The following IQCM variants were observed in gnomAD, a reference collection of about 807,000 sequenced individuals.
IQCM encodes the protein IQ motif containing M.
In IQCM, 45 loss-of-function variants were observed where a neutral mutation model predicts 57.6. The ratio of observed to expected loss-of-function variants is 0.78; its 90% confidence interval spans 0.62 to 1.00. IQCM has a LOEUF of 1.00. Ranked by LOEUF, IQCM falls within the 50% of genes least tolerant of loss-of-function variation. IQCM has a pLI of 0.00. For synonymous variants in IQCM, 148 were observed against 158.9 expected (o/e 0.93, Z 0.51); for missense variants, 468 against 511.6 (o/e 0.91, Z 0.82).
intron 2 of IQCM, among the ~76,000 whole-genome samples, chr4:149,807,769 A>G (rs1021600655): frequency 2.0e-5 from 3 of 152,118 alleles, no homozygotes; most frequent in African/African-American, 2.4e-5. Flanking sequence ...AAGTGGTCAA[A>G]AGACCTGAAT....
intron 12 of IQCM, among the ~76,000 whole-genome samples, chr4:149,444,280 A>T (rs1194012115): frequency 6.6e-6 from 1 of 151,946 alleles, no homozygotes; most frequent in African/African-American, 2.4e-5. Context: ...TTTCTATAAT[A>T]TATAAATTTG....
intron 6 of IQCM, among the ~76,000 whole-genome samples, chr4:149,684,580 C>G (rs569234600): frequency 6.6e-6 from 1 of 151,470 alleles, no homozygotes; most frequent in Non-Finnish European, 1.5e-5. Flanking sequence ...TGTTAACAAT[C>G]TCATATCTAA....
In IQCM at chr4:149,461,837, G is replaced by GTA. The variant is rs541081902; in HGVS notation, c.1229-28282_1229-28281dup. Among the ~76,000 whole-genome samples the GTA allele has an allele frequency of 4.5e-3, 674 of 150,584 alleles. 3 individuals carry two copies. Among genetic ancestry groups the GTA allele is most frequent in the East Asian group, 0.03 (151 of 5,116 alleles). ...AAGGAATACTATATATATATAGTGTGTATATATATATATAAATATCCTGAC... is the reference window on the plus strand; with the variant it reads ...AAGGAATACTATATATATATAGTGTGTATATATATATATATAAATATCCTGAC... On this transcript the variant is annotated intron_variant, in intron 12 of 13. Transcript: ENST00000636793.
chr4:149,453,117 C>CA (rs956347820), intron 12 of IQCM, among the ~76,000 whole-genome samples: 5 of 150,552 alleles, frequency 3.3e-5, no homozygotes, highest in African/African-American at 1.2e-4. Context: ...TCTTAAGAAA[C>CA]AAAGTGTGAG....
Position 149,369,012 on chromosome 4 carries a change from G to A in IQCM, c.1391-16946C>T, listed in dbSNP as rs866315776. ...CACGTGTATATATATATATATACACGTGTATATATATATATATACATGTGT... is the reference window on the plus strand; with the variant it reads ...CACGTGTATATATATATATATACACATGTATATATATATATATACATGTGT... On this transcript the variant is annotated intron_variant, in intron 13 of 13. Transcript: ENST00000636793. Among the ~76,000 whole-genome samples, 65 of 36,498 alleles carry A rather than the reference G, an allele frequency of 1.8e-3. 12 individuals carry two copies. The highest frequency in any genetic ancestry group is 2.9e-3 in the Non-Finnish European group (52 of 18,080). 23.9% of individuals were successfully genotyped at this position (36,498 alleles called of 152,430 possible).
chr4:149,633,267 C>G (rs557483294), intron 7 of IQCM, among the ~76,000 whole-genome samples: 2 of 150,500 alleles, frequency 1.3e-5, no homozygotes, highest in Non-Finnish European at 3.0e-5. Context: ...TTATTGTGAT[C>G]AATGTTTACA....
chr4:149,686,424 T>C lies in IQCM; in HGVS notation c.430A>G (p.Ser144Gly). Residue 144 changes from serine (S) to glycine (G), a missense_variant, in exon 6 of 14, where the codon AGT becomes GGT. Coordinates refer to ENST00000636793, the MANE Select transcript of IQCM (RefSeq NM_001363507.2). Reference protein sequence around the residue: ...DKIMTIIEPVSKKMETAKQQH... With the variant: ...DKIMTIIEPVGKKMETAKQQH... ...TGCTTTGCTGTCTCCATTTTTTTAC[T>C]CACTGGTTCAATAATAGTCATGATT... 1.6e-6 allele frequency: 2 copies of C among 1,228,162 alleles called. No individual in the cohort carries two copies. The highest frequency in any genetic ancestry group is 2.0e-6 in the Non-Finnish European group (2 of 984,862). The allele number at this position is 1,228,162 out of a possible 1,614,324, so 76.1% of individuals were successfully genotyped here. A position where few individuals can be genotyped will look rare whatever the true frequency, so the allele number is the denominator to read the frequency against.
chr4:149,513,539 C>T (rs1286737294), intron 12 of IQCM, among the ~76,000 whole-genome samples: 1 of 152,022 alleles, frequency 6.6e-6, no homozygotes, highest in East Asian at 1.9e-4. Flanking sequence ...CTAGTGTATT[C>T]AATTATGGAT....
intron 13 of IQCM, among the ~76,000 whole-genome samples, chr4:149,399,743 T>G (rs1017846233): frequency 6.6e-6 from 1 of 152,104 alleles, no homozygotes; most frequent in African/African-American, 2.4e-5. Context: ...AATTACCCTG[T>G]GTCTCAGTTT....
chr4:149,502,159 C>A (rs970418479), intron 12 of IQCM, among the ~76,000 whole-genome samples: 59 of 151,924 alleles, frequency 3.9e-4, no homozygotes, highest in African/African-American at 1.4e-3. Flanking sequence ...TATACACACA[C>A]ACACACACAC....
intron 7 of IQCM, among the ~76,000 whole-genome samples, chr4:149,675,763 T>C (rs1761696567): frequency 6.6e-6 from 1 of 152,042 alleles, no homozygotes; most frequent in Non-Finnish European, 1.5e-5. Context: ...ATAAAGAATC[T>C]TGCCAGGAGC....
At chr4:149,368,585 AAGCAAGGAC>A (rs1730003256) in intron 13 of IQCM, among the ~76,000 whole-genome samples, 1 of 151,374 alleles carries the variant, frequency 6.6e-6, no homozygotes, top group Non-Finnish European at 1.5e-5. Context: ...GGCTGTTTCT[AAGCAAGGAC>A]ATGAGAGATG....
chr4:149,497,848 C>T (rs752986549), intron 12 of IQCM, among the ~76,000 whole-genome samples: 19 of 150,362 alleles, frequency 1.3e-4, no homozygotes, highest in Admixed American at 3.3e-4. Flanking sequence ...AAAATTTTTT[C>T]GCTTAGTATT....
At chr4:149,799,569 C>T (rs1773417921) in intron 2 of IQCM, among the ~76,000 whole-genome samples, 3 of 151,400 alleles carry the variant, frequency 2.0e-5, no homozygotes, top group Non-Finnish European at 3.0e-5. Flanking sequence ...AAAAGTTAAA[C>T]TAAAATGACC....
chr4:149,730,480 T>C (rs1326017633), intron 5 of IQCM, among the ~76,000 whole-genome samples: 1 of 152,218 alleles, frequency 6.6e-6, no homozygotes, highest in East Asian at 1.9e-4. Context: ...TGTTGTTCAG[T>C]ATCTAGTCTG....
At position 149,749,550 on chromosome 4, in the gene IQCM, G is replaced by T. The variant is rs1430419922; in HGVS notation, c.-48-6811C>A. 2.0e-5 allele frequency among the ~76,000 whole-genome samples: 3 copies of T among 151,824 alleles called. No homozygotes were observed. In the East Asian group the frequency reaches 5.8e-4, roughly 30 times the overall value. ...GAGGAAAGAGTGCAGGGTCTGAGGT[G>T]GGGGGCACAAGGAGGGCCTCTGGAA... On this transcript the variant is annotated intron_variant, in intron 2 of 13. Coordinates refer to ENST00000636793, the MANE Select transcript of IQCM (RefSeq NM_001363507.2).
intron 12 of IQCM, among the ~76,000 whole-genome samples, chr4:149,466,635 C>G (rs1446142388): frequency 6.6e-6 from 1 of 152,056 alleles, no homozygotes; most frequent in East Asian, 1.9e-4. Flanking sequence ...GAGATTTGTC[C>G]CTGTAACTTT....
chr4:149,733,365 G>C lies in IQCM; in HGVS notation c.264C>G (p.Cys88Trp), dbSNP rs959294294. ...CGCTTTTGGAAAGCTCCTTGGGAAA[G>C]CAAATCCTTCTGAGTGCGGCCCGAT... The part of the protein sequence containing the change: ...QEHRAALRRI[C>W]FPKELSKSEH... Residue 88 changes from cysteine to tryptophan, a missense_variant, in exon 5 of 14, where the codon TGC (cysteine) becomes TGG (tryptophan). Physicochemically the swap from Cys to Trp is radical, Grantham distance 215. Coordinates refer to ENST00000636793, the MANE Select transcript of IQCM (RefSeq NM_001363507.2). The C allele has an allele frequency of 1.6e-6, 2 of 1,231,706 alleles. No individual in the cohort carries two copies. Among genetic ancestry groups the C allele is most frequent in the African/African-American group, 3.1e-5 (2 of 64,370 alleles). 76.3% of individuals were successfully genotyped at this position (1,231,706 alleles called of 1,614,324 possible).
chr4:149,526,081 C>T (rs947698122), intron 12 of IQCM, among the ~76,000 whole-genome samples: 1 of 151,786 alleles, frequency 6.6e-6, no homozygotes, highest in Non-Finnish European at 1.5e-5. Flanking sequence ...AAAAGATGTG[C>T]TCAATTTTGC....
Sources: allele counts gnomAD v4.1 joint callset (sites outside exome capture counted in the v4.1 genomes callset), GRCh38; gene constraint gnomAD v4.1.1; transcripts MANE v1.5; gene names NCBI Gene and HGNC (gene_info 2026-07-23, HGNC 2026-07-21).